The following NBEAL1 variants were observed in gnomAD, a reference collection of about 807,000 sequenced individuals.
NBEAL1 encodes neurobeachin-like protein 1.
NBEAL1 carries 273 observed loss-of-function variants against 351.3 expected under a neutral mutation model. That is an observed-to-expected ratio of 0.78 (90% CI 0.70 to 0.86). The LOEUF is 0.86. Ranked by LOEUF, NBEAL1 falls within the 40% of genes least tolerant of loss-of-function variation. The pLI is 0.00. For missense variants in NBEAL1, 2,961 were observed against 3,201.3 expected (o/e 0.92, Z 1.81); for synonymous variants, 1,050 against 1,086.4 (o/e 0.97, Z 0.66).
At chr2:203,156,383 C>T (rs1301943284) in intron 35 of NBEAL1, among the ~76,000 whole-genome samples, 1 of 152,320 alleles carries the variant, frequency 6.6e-6, no homozygotes, top group East Asian at 1.9e-4. Context: ...CATTCTCCAT[C>T]CTTCACCAAT....
chr2:203,143,966 C>T (rs961860582), intron 31 of NBEAL1, among the ~76,000 whole-genome samples: 4 of 151,960 alleles, frequency 2.6e-5, no homozygotes, highest in Non-Finnish European at 5.9e-5. Context: ...AATCCCAGGA[C>T]GTTGGGAGGC....
intron 55 of NBEAL1, among the ~76,000 whole-genome samples, chr2:203,214,421 C>A (rs2065864480): frequency 6.6e-6 from 1 of 151,954 alleles, no homozygotes; most frequent in Non-Finnish European, 1.5e-5. Flanking sequence ...TTTGAAACTT[C>A]TTTAGTCCTT....
intron 10 of NBEAL1, among the ~76,000 whole-genome samples, chr2:203,094,777 A>T (rs2106196819): frequency 6.6e-6 from 1 of 152,314 alleles, no homozygotes; most frequent in East Asian, 1.9e-4. Context: ...TTACAGGGAT[A>T]TGATTTGAAT....
chr2:203,019,031 C>A (rs1207074838), intron 2 of NBEAL1, among the ~76,000 whole-genome samples: 3 of 152,172 alleles, frequency 2.0e-5, no homozygotes, highest in Non-Finnish European at 4.4e-5. Context: ...ATAGGCTCCC[C>A]TTCACCATAT....
At chr2:203,204,149 G>A (rs868486076) in intron 51 of NBEAL1, among the ~76,000 whole-genome samples, 9 of 149,862 alleles carry the variant, frequency 6.0e-5, no homozygotes, top group Non-Finnish European at 1.2e-4. Flanking sequence ...GGACGGTCTC[G>A]AACTCTTGAC....
chr2:203,079,884 C>T (rs893292703), intron 8 of NBEAL1, among the ~76,000 whole-genome samples: 9 of 152,092 alleles, frequency 5.9e-5, no homozygotes, highest in Non-Finnish European at 1.2e-4. Flanking sequence ...GGCTTTTTAA[C>T]TTATAGCTCT....
At position 203,190,150 on chromosome 2, in the gene NBEAL1, A is replaced by C. The variant is rs567144605; in HGVS notation, c.6824-142A>C. ...GACTCTGTCTCAAAAAAAAAAAAAA[A>C]GATGTGTGTACACACACACACACAC... is the stretch of plus-strand genomic sequence containing the variant. On this transcript the variant is annotated intron_variant, in intron 45 of 55. Coordinates refer to ENST00000683969, the MANE Select transcript of NBEAL1 (RefSeq NM_001378026.1). 321 of 542,736 alleles carry C rather than the reference A, an allele frequency of 5.9e-4. 3 individuals are homozygous for C. Among genetic ancestry groups the C allele is most frequent in the African/African-American group, 5.7e-3 (276 of 48,826 alleles). 33.6% of individuals were successfully genotyped at this position (542,736 alleles called of 1,614,324 possible).
chr2:203,198,018 T>C (rs1357093306), intron 48 of NBEAL1, among the ~76,000 whole-genome samples: 1 of 136,728 alleles, frequency 7.3e-6, no homozygotes, highest in Non-Finnish European at 1.6e-5. Context: ...TTTTTTTCTT[T>C]TCTTTTTTTT....
intron 7 of NBEAL1, among the ~76,000 whole-genome samples, chr2:203,073,432 A>G (rs2061714643): frequency 1.3e-5 from 2 of 152,266 alleles, no homozygotes; most frequent in South Asian, 4.1e-4. Context: ...CATTCCTGAC[A>G]TTGATAATTT....
chr2:203,175,344 T>G lies in NBEAL1; in HGVS notation c.6464+57T>G. 2.6e-6 allele frequency: 4 copies of G among 1,567,052 alleles called. No individual in the cohort carries two copies. The Admixed American group carries it at 6.8e-5, about 27-fold the overall frequency. On this transcript the variant is annotated intron_variant, in intron 42 of 55. Coordinates refer to ENST00000683969, the MANE Select transcript of NBEAL1 (RefSeq NM_001378026.1). The stretch of plus-strand genomic sequence containing the variant: ...TGACTATGTTAGTGTTGAAAACTGT[T>G]TGCCTTCATGTCATGTACTGTGTAA...
rs994716959 is a variant in NBEAL1, at chr2:203,213,852, T to A, written c.8070+199T>A. 5 of 917,770 alleles carry A rather than the reference T, an allele frequency of 5.4e-6. No individual in the cohort carries two copies. In the African/African-American group the frequency reaches 8.9e-5, roughly 16 times the overall value. 56.9% of individuals were successfully genotyped at this position (917,770 alleles called of 1,614,324 possible). A position where few individuals can be genotyped will look rare whatever the true frequency, so the allele number is the denominator to read the frequency against. ...TTTATGTTATTATTGAAAGCCCACC[T>A]TTGGCAATTCTATCTACCACTCTAT... On this transcript the variant is annotated intron_variant, in intron 55 of 55. Coordinates refer to ENST00000683969, the MANE Select transcript of NBEAL1 (RefSeq NM_001378026.1).
intron 18 of NBEAL1, among the ~76,000 whole-genome samples, chr2:203,119,626 A>G (rs1428780236): frequency 2.0e-5 from 3 of 151,836 alleles, no homozygotes; most frequent in Non-Finnish European, 4.4e-5. Flanking sequence ...AGGTTTCACC[A>G]TGATGGTCAG....
At chr2:203,045,523 A>C (rs1278150136) in intron 3 of NBEAL1, among the ~76,000 whole-genome samples, 1 of 152,226 alleles carries the variant, frequency 6.6e-6, no homozygotes. Flanking sequence ...AATATTTGTA[A>C]CTGGGTTATA....
intron 43 of NBEAL1, chr2:203,182,417 C>T (rs1004541549): frequency 7.2e-5 from 11 of 152,196 alleles, no homozygotes; most frequent in Non-Finnish European, 1.6e-4. Flanking sequence ...AAGTTCTCCT[C>T]ACTCTCCAGA....
intron 31 of NBEAL1, among the ~76,000 whole-genome samples, chr2:203,141,242 A>G (rs193185761): frequency 1.8e-4 from 26 of 141,648 alleles, no homozygotes; most frequent in South Asian, 4.5e-4. Flanking sequence ...GAAATTTCCT[A>G]AACAAAATGT....
intron 4 of NBEAL1, among the ~76,000 whole-genome samples, chr2:203,055,443 A>G (rs952814194): frequency 6.6e-6 from 1 of 152,126 alleles, no homozygotes; most frequent in Non-Finnish European, 1.5e-5. Context: ...ATCTCAACAA[A>G]AAATGTAAAA....
intron 31 of NBEAL1, among the ~76,000 whole-genome samples, chr2:203,142,224 C>T (rs562326104): frequency 1.3e-5 from 2 of 152,256 alleles, no homozygotes; most frequent in East Asian, 1.9e-4. Context: ...GGCACAATCT[C>T]GGCTCACTGC....
intron 17 of NBEAL1, among the ~76,000 whole-genome samples, chr2:203,115,745 A>C (rs2062680437): frequency 6.6e-6 from 1 of 152,172 alleles, no homozygotes; most frequent in Non-Finnish European, 1.5e-5. Flanking sequence ...CCTGGCTGAT[A>C]ATAGTTTGTT....
chr2:203,163,563 C>G (rs2106386736), intron 36 of NBEAL1, among the ~76,000 whole-genome samples: 1 of 152,268 alleles, frequency 6.6e-6, no homozygotes, highest in East Asian at 1.9e-4. Context: ...CTGTGTTCTT[C>G]CCAATCAATC....
Sources: allele counts gnomAD v4.1 joint callset (sites outside exome capture counted in the v4.1 genomes callset), GRCh38; gene constraint gnomAD v4.1.1; transcripts MANE v1.5; gene names NCBI Gene and HGNC (gene_info 2026-07-23, HGNC 2026-07-21).